TAFA1: variants seen among roughly 807,000 people sequenced by gnomAD.
The protein encoded by TAFA1 is TAFA chemokine like family member 1.
In TAFA1, 4 loss-of-function variants were observed where a neutral mutation model predicts 18.5. The observed-to-expected ratio is 0.22, with a 90% confidence interval of 0.11 to 0.49. The LOEUF (loss-of-function observed/expected upper bound fraction) is 0.49. Among genes scored for constraint, TAFA1 ranks in the 20% least tolerant of loss-of-function variants. The pLI is 0.98. For missense variants in TAFA1, 147 were observed against 169.0 expected (o/e 0.87, Z 0.72); for synonymous variants, 56 against 55.2 (o/e 1.01, Z -0.06).
chr3:68,308,623 A>G (rs72626947), intron 2 of TAFA1, among the ~76,000 whole-genome samples: 3,940 of 152,282 alleles, frequency 0.026, 91 homozygotes, highest in East Asian at 0.098. Flanking sequence ...GTCAACAATA[A>G]TGAGGTTGTT....
At chr3:68,201,625 C>T (rs1384355879) in intron 2 of TAFA1, among the ~76,000 whole-genome samples, 2 of 151,736 alleles carry the variant, frequency 1.3e-5, no homozygotes, top group Non-Finnish European at 2.9e-5. Flanking sequence ...TATCATTGTG[C>T]AATGTCTCTC....
rs905041948 is a variant in TAFA1 at position 68,441,425 on chromosome 3, A to T, written c.259+24005A>T. Among the ~76,000 whole-genome samples, 10 of 152,246 alleles carry T rather than the reference A, an allele frequency of 6.6e-5. No homozygotes were observed. The East Asian group carries it at 1.9e-3, about 29-fold the overall frequency. On this transcript the variant is annotated intron_variant, in intron 3 of 4. Transcript: ENST00000478136. ...AGCAAAGCCCTGCCATCTTCTGCAG[A>T]TTACTACTCTCCTTTTGAGAGATAG...
At chr3:68,306,215 C>T (rs1284663794) in intron 2 of TAFA1, among the ~76,000 whole-genome samples, 1 of 152,186 alleles carries the variant, frequency 6.6e-6, no homozygotes, top group Non-Finnish European at 1.5e-5. Flanking sequence ...GTGTGACCTT[C>T]ATGGTCTTTA....
chr3:68,143,485 A>G (rs1330444855), intron 2 of TAFA1, among the ~76,000 whole-genome samples: 1 of 152,182 alleles, frequency 6.6e-6, no homozygotes, highest in East Asian at 1.9e-4. Context: ...CTCTTTTGTA[A>G]AATTTATCAA....
At position 68,447,786 on chromosome 3, in the gene TAFA1, G is replaced by A. The variant is rs145293294; in HGVS notation, c.259+30366G>A. On this transcript the variant is annotated intron_variant, in intron 3 of 4. Coordinates refer to ENST00000478136, the MANE Select transcript of TAFA1 (RefSeq NM_213609.4). The stretch of plus-strand genomic sequence containing the variant: ...AGCTGCTGCAAGCCTGTGTGAGGAA[G>A]TATTCTGAAGCAATGTTCTGCCTAG... 2.7e-3 allele frequency among the ~76,000 whole-genome samples: 414 copies of A among 152,336 alleles called. 3 individuals carry two copies. Among genetic ancestry groups the A allele is most frequent in the Middle Eastern group, 6.8e-3 (2 of 294 alleles).
chr3:68,021,002 A>G (rs1489129738), intron 2 of TAFA1, among the ~76,000 whole-genome samples: 7 of 151,926 alleles, frequency 4.6e-5, no homozygotes, highest in African/African-American at 1.2e-4. Context: ...CCTGGCCAAC[A>G]TGGTGAAACC....
chr3:68,435,559 T>A (rs1346686616), intron 3 of TAFA1, among the ~76,000 whole-genome samples: 2 of 152,168 alleles, frequency 1.3e-5, no homozygotes, highest in African/African-American at 4.8e-5. Context: ...ATACAGAGAA[T>A]AAACCCAAGA....
chr3:68,298,746 C>T (rs769673584), intron 2 of TAFA1, among the ~76,000 whole-genome samples: 1 of 152,144 alleles, frequency 6.6e-6, no homozygotes, highest in African/African-American at 2.4e-5. Flanking sequence ...CCCTTGCTTC[C>T]CCTTTGCCTT....
At chr3:68,260,489 A>G (rs948897127) in intron 2 of TAFA1, among the ~76,000 whole-genome samples, 2 of 152,110 alleles carry the variant, frequency 1.3e-5, no homozygotes, top group East Asian at 3.9e-4. Context: ...TTTTCTATTG[A>G]TTGGAATAGT....
intron 4 of TAFA1, among the ~76,000 whole-genome samples, chr3:68,541,769 G>C (rs189164315): frequency 1.3e-5 from 2 of 152,120 alleles, no homozygotes; most frequent in Non-Finnish European, 1.5e-5. Context: ...CCAGGGAAAG[G>C]TTCCTGGGAC....
chr3:68,486,176 A>C (rs2072336606), intron 3 of TAFA1, among the ~76,000 whole-genome samples: 1 of 149,620 alleles, frequency 6.7e-6, no homozygotes, highest in Non-Finnish European at 1.5e-5. Context: ...TAAGTTGCCC[A>C]GGCTGATCTC....
intron 2 of TAFA1, among the ~76,000 whole-genome samples, chr3:68,236,892 C>T (rs2066933631): frequency 6.6e-6 from 1 of 152,100 alleles, no homozygotes; most frequent in Non-Finnish European, 1.5e-5. Context: ...GACAGCACAT[C>T]AATAAGAGCT....
At chr3:68,532,123 A>C (rs2106776281) in intron 3 of TAFA1, among the ~76,000 whole-genome samples, 1 of 152,336 alleles carries the variant, frequency 6.6e-6, no homozygotes, top group East Asian at 1.9e-4. Context: ...CAAATTTATT[A>C]ACATGTACAT....
chr3:68,461,372 T>C (rs1469206663), intron 3 of TAFA1, among the ~76,000 whole-genome samples: 2 of 142,826 alleles, frequency 1.4e-5, no homozygotes, highest in African/African-American at 5.3e-5. Context: ...TATATATATA[T>C]ATATATATGT....
At chr3:68,336,855 C>G (rs2068977565) in intron 2 of TAFA1, among the ~76,000 whole-genome samples, 1 of 152,176 alleles carries the variant, frequency 6.6e-6, no homozygotes, top group Non-Finnish European at 1.5e-5. Flanking sequence ...TCCCAAATAG[C>G]TGGGATTACA....
At chr3:68,516,086 A>T (rs1383584302) in intron 3 of TAFA1, among the ~76,000 whole-genome samples, 1 of 152,362 alleles carries the variant, frequency 6.6e-6, no homozygotes, top group East Asian at 1.9e-4. Flanking sequence ...CTTTGCAGTG[A>T]CATACTTTCC....
At position 68,205,089 on chromosome 3, in the gene TAFA1, T is replaced by C. The variant is rs554253376; in HGVS notation, c.118+198345T>C. The stretch of plus-strand genomic sequence containing the variant: ...CAGGTAAGCCCGAGAAAATGAACCA[T>C]GACTTTTAATAGCACTGCACCACAA... On this transcript the variant is annotated intron_variant, in intron 2 of 4. Coordinates refer to ENST00000478136, the MANE Select transcript of TAFA1 (RefSeq NM_213609.4). 3.9e-5 allele frequency among the ~76,000 whole-genome samples: 6 copies of C among 151,970 alleles called. No individual in the cohort carries two copies. In the South Asian group the frequency reaches 1.2e-3, roughly 31 times the overall value.
intron 2 of TAFA1, among the ~76,000 whole-genome samples, chr3:68,216,841 A>G (rs1447267355): frequency 6.6e-6 from 1 of 152,148 alleles, no homozygotes; most frequent in African/African-American, 2.4e-5. Context: ...AATGAGCAAC[A>G]AAATGAATAA....
chr3:68,186,541 C>A (rs2107000601), intron 2 of TAFA1, among the ~76,000 whole-genome samples: 1 of 152,070 alleles, frequency 6.6e-6, no homozygotes, highest in East Asian at 1.9e-4. Context: ...CCATTGTATG[C>A]CTCATCTCTT....
Sources: allele counts gnomAD v4.1 joint callset (sites outside exome capture counted in the v4.1 genomes callset), GRCh38; gene constraint gnomAD v4.1.1; transcripts MANE v1.5; gene names NCBI Gene and HGNC (gene_info 2026-07-23, HGNC 2026-07-21).